USP15: variants seen among roughly 807,000 people sequenced by gnomAD.
The protein encoded by USP15 is ubiquitin specific peptidase 15.
Under a neutral mutation model 127.1 loss-of-function variants are expected in USP15, and 18 were observed. The observed-to-expected ratio is 0.14, with a 90% confidence interval of 0.10 to 0.21. USP15 has a LOEUF of 0.21. Ranked by LOEUF, USP15 falls within the 10% of genes least tolerant of loss-of-function variation. The pLI, the probability that USP15 is intolerant of heterozygous loss-of-function variation, is 1.00. For synonymous variants in USP15, 364 were observed against 393.7 expected, an observed-to-expected ratio of 0.92 and a Z score of 0.89; for missense variants, 805 against 1,159.9, an observed-to-expected ratio of 0.69 and a Z score of 4.44.
intron 7 of USP15, among the ~76,000 whole-genome samples, chr12:62,350,057 G>C (rs954543249): frequency 6.6e-6 from 1 of 151,638 alleles, no homozygotes; most frequent in Non-Finnish European, 1.5e-5. Flanking sequence ...TTATGGATTA[G>C]ATTGAAAGTA....
rs926906732 is a variant in USP15 at position 62,374,671 on chromosome 12, ACT to A, written c.916-6818_916-6817del. On this transcript the variant is annotated intron_variant, in intron 8 of 21. Coordinates refer to ENST00000280377, the MANE Select transcript of USP15 (RefSeq NM_001252078.2). ...ATTTGACTTCATCAATTTATAAAAA[ACT>A]TATGTAGAAATTTAGCAAAATACAA... 51 of 815,540 alleles carry A rather than the reference ACT, an allele frequency of 6.3e-5. No individual in the cohort carries two copies. The African/African-American group carries it at 9.3e-4, about 15-fold the overall frequency. The allele number at this position is 815,540 out of a possible 1,614,324, so 50.5% of individuals were successfully genotyped here.
chr12:62,311,184 T>C (rs2064667934), intron 3 of USP15, among the ~76,000 whole-genome samples: 1 of 152,044 alleles, frequency 6.6e-6, no homozygotes, highest in Non-Finnish European at 1.5e-5. Flanking sequence ...TTAATAAAGT[T>C]GAATTTTAAA....
chr12:62,282,935 A>G (rs1439530140), intron 1 of USP15, among the ~76,000 whole-genome samples: 1 of 152,242 alleles, frequency 6.6e-6, no homozygotes, highest in Non-Finnish European at 1.5e-5. Context: ...AATGTGTTTT[A>G]TAAATGATAT....
At chr12:62,294,037 A>G (rs1041259286) in intron 1 of USP15, 142 bp from the exon 2 acceptor site, 13 of 775,820 alleles carry the variant, frequency 1.7e-5, no homozygotes, top group African/African-American at 7.0e-5. Flanking sequence ...TCTTTCTAAT[A>G]CTAAGGGGCA....
chr12:62,301,223 A>G (rs2064307942), intron 2 of USP15, among the ~76,000 whole-genome samples: 1 of 152,182 alleles, frequency 6.6e-6, no homozygotes, highest in South Asian at 2.1e-4. Flanking sequence ...TAGAACTCTC[A>G]TACACTGTTT....
chr12:62,325,822 T>A, intron 5 of USP15, 50 bp from the exon 6 acceptor site: 1 of 1,470,262 alleles, frequency 6.8e-7, no homozygotes, highest in East Asian at 2.3e-5. Context: ...TAAAGTTATT[T>A]TAACTTCAGA....
chr12:62,299,622 A>T (rs189574782), intron 2 of USP15, among the ~76,000 whole-genome samples: 2 of 152,302 alleles, frequency 1.3e-5, no homozygotes, highest in Admixed American at 6.5e-5. Flanking sequence ...GTTGCTATGA[A>T]CATTCATGTA....
chr12:62,303,334 A>G (rs1178115231), intron 3 of USP15: 1 of 152,724 alleles, frequency 6.5e-6, no homozygotes, highest in Non-Finnish European at 1.5e-5. Context: ...GAACATAAAA[A>G]TTTTTTAAAC....
At chr12:62,387,176 G>A (rs997733979) in intron 11 of USP15, among the ~76,000 whole-genome samples, 6 of 152,268 alleles carry the variant, frequency 3.9e-5, no homozygotes, top group African/African-American at 1.4e-4. Flanking sequence ...TTGAATTTGT[G>A]TATCTAGACC....
intron 8 of USP15, among the ~76,000 whole-genome samples, chr12:62,364,910 A>G (rs1333319173): frequency 6.6e-6 from 1 of 152,180 alleles, no homozygotes; most frequent in Non-Finnish European, 1.5e-5. Context: ...ATGGCTGCAT[A>G]ATATACCATG....
At chr12:62,327,552 A>G (rs1341007191) in intron 6 of USP15, 1 of 374,708 alleles carries the variant, frequency 2.7e-6, no homozygotes, top group Middle Eastern at 9.1e-4. Context: ...GTGGATTAAT[A>G]TTAAAAAAAA....
At chr12:62,299,357 C>T (rs370594082) in intron 2 of USP15, among the ~76,000 whole-genome samples, 10 of 152,264 alleles carry the variant, frequency 6.6e-5, no homozygotes, top group Admixed American at 1.3e-4. Context: ...GTGATCCATC[C>T]GCCTCAGTCC....
chr12:62,275,453 T>G (rs1395551210), intron 1 of USP15, among the ~76,000 whole-genome samples: 1 of 151,398 alleles, frequency 6.6e-6, no homozygotes, highest in Non-Finnish European at 1.5e-5. Flanking sequence ...TTAATAGATA[T>G]ATAAAATTAT....
intron 4 of USP15, among the ~76,000 whole-genome samples, chr12:62,317,222 A>C (rs2064856761): frequency 1.3e-5 from 2 of 152,214 alleles, no homozygotes; most frequent in African/African-American, 4.8e-5. Context: ...TAGTCAAGTC[A>C]GGAATTTTAG....
chr12:62,403,279 C>T (rs1324412283), intron 21 of USP15, among the ~76,000 whole-genome samples: 2 of 151,874 alleles, frequency 1.3e-5, no homozygotes, highest in Non-Finnish European at 2.9e-5. Flanking sequence ...CAATGGTGGG[C>T]TGAGGACAGA....
At chr12:62,309,227 T>C (rs913052709) in intron 3 of USP15, among the ~76,000 whole-genome samples, 1 of 152,090 alleles carries the variant, frequency 6.6e-6, no homozygotes, top group Middle Eastern at 3.2e-3. Flanking sequence ...AAATAACCTA[T>C]ATTGCGAATG....
chr12:62,383,801 G>A, intron 9 of USP15, 39 bp from the exon 10 acceptor site: 1 of 1,590,270 alleles, frequency 6.3e-7, no homozygotes, highest in Non-Finnish European at 8.5e-7. Flanking sequence ...AATCAACCCT[G>A]TTCCTAGAAC....
rs183679785 is a variant in USP15 at position 62,349,722 on chromosome 12, T to C, written c.770+415T>C. 3.9e-5 allele frequency among the ~76,000 whole-genome samples: 6 copies of C among 152,196 alleles called. No homozygotes were observed. The East Asian group carries it at 1.2e-3, about 29-fold the overall frequency. Reference sequence around the variant, plus strand: ...AAATTTTTGTTTATGAAAAAGGCAATCACTTTTTCTTGAGAAGTTCAGAAA... The same window carrying C: ...AAATTTTTGTTTATGAAAAAGGCAACCACTTTTTCTTGAGAAGTTCAGAAA... On this transcript the variant is annotated intron_variant, in intron 7 of 21. Transcript: ENST00000280377.
At chr12:62,293,998 G>T (rs2064055243) in intron 1 of USP15, among the ~76,000 whole-genome samples, 181 bp from the exon 2 acceptor site, 1 of 151,948 alleles carries the variant, frequency 6.6e-6, no homozygotes, top group African/African-American at 2.4e-5. Context: ...AGAACAATAG[G>T]AATAATACTT....
Sources: gnomAD v4.1 joint callset for allele counts (sites outside exome capture counted in the v4.1 genomes callset) on GRCh38, gnomAD v4.1.1 for gene constraint, MANE v1.5 for transcripts, NCBI Gene and HGNC (gene_info 2026-07-23, HGNC 2026-07-21) for gene names.